Variants in RTN4RL1 observed in about 807,000 individuals in gnomAD.
The protein encoded by RTN4RL1 is reticulon-4 receptor-like 1.
A neutral mutation model predicts 25.6 loss-of-function variants in RTN4RL1; 7 were observed. That is an observed-to-expected ratio of 0.27 (90% CI 0.16 to 0.51). The LOEUF is 0.51. Ranked by LOEUF, RTN4RL1 falls within the 20% of genes least tolerant of loss-of-function variation. The pLI, the probability that RTN4RL1 is intolerant of heterozygous loss-of-function variation, is 0.97. For synonymous variants in RTN4RL1, 297 were observed against 288.2 expected (o/e 1.03, Z -0.31); for missense variants, 500 against 615.6 (o/e 0.81, Z 1.99).
chr17:1,991,005 C>T lies in RTN4RL1; in HGVS notation c.13+33848G>A, dbSNP rs1277965805. On this transcript the variant is annotated intron_variant, in intron 1 of 1. Transcript: ENST00000331238. ...TCCAGGGAACGAGTCCCTCTCTAGG[C>T]GCAGAGAGCACCAACCCATGTGCAA... is the stretch of plus-strand genomic sequence containing the variant. Among the ~76,000 whole-genome samples, 3 of 152,146 alleles carry T rather than the reference C, an allele frequency of 2.0e-5. No homozygotes were observed. The East Asian group carries it at 5.8e-4, about 29-fold the overall frequency.
At chr17:1,985,779 A>C (rs2066884934) in intron 1 of RTN4RL1, among the ~76,000 whole-genome samples, 1 of 152,102 alleles carries the variant, frequency 6.6e-6, no homozygotes, top group Non-Finnish European at 1.5e-5. Flanking sequence ...GAGGAGCCCC[A>C]GGTAAGGGGG....
At chr17:2,005,941 T>G (rs527308257) in intron 1 of RTN4RL1, among the ~76,000 whole-genome samples, 1 of 147,290 alleles carries the variant, frequency 6.8e-6, no homozygotes, top group African/African-American at 2.5e-5. Flanking sequence ...GGACCACCGG[T>G]GCATGCCGCC....
At chr17:1,970,232 G>T (rs904105723) in intron 1 of RTN4RL1, among the ~76,000 whole-genome samples, 1 of 152,086 alleles carries the variant, frequency 6.6e-6, no homozygotes, top group Admixed American at 6.6e-5. Flanking sequence ...TGTTGGTCAT[G>T]CTGGTCTCGA....
chr17:1,982,870 G>A (rs2066873449), intron 1 of RTN4RL1, among the ~76,000 whole-genome samples: 1 of 152,186 alleles, frequency 6.6e-6, no homozygotes, highest in African/African-American at 2.4e-5. Context: ...AGGGGCAGCG[G>A]CTGACAGTCA....
intron 1 of RTN4RL1, among the ~76,000 whole-genome samples, chr17:2,008,352 A>G (rs1339463596): frequency 1.3e-5 from 2 of 152,194 alleles, no homozygotes; most frequent in Non-Finnish European, 2.9e-5. Context: ...GACACATTAA[A>G]AAAAAGGAAT....
At chr17:1,979,413 G>A (rs1479716525) in intron 1 of RTN4RL1, among the ~76,000 whole-genome samples, 1 of 152,076 alleles carries the variant, frequency 6.6e-6, no homozygotes, top group Non-Finnish European at 1.5e-5. Context: ...GGAGGTCAAG[G>A]CTGCAATGAG....
At chr17:1,973,016 G>C (rs903325730) in intron 1 of RTN4RL1, among the ~76,000 whole-genome samples, 1 of 152,192 alleles carries the variant, frequency 6.6e-6, no homozygotes, top group African/African-American at 2.4e-5. Context: ...TGCATTCTCA[G>C]TGGATACCAT....
At chr17:1,960,186 C>T (rs1181968381) in intron 1 of RTN4RL1, among the ~76,000 whole-genome samples, 1 of 150,058 alleles carries the variant, frequency 6.7e-6, no homozygotes, top group Non-Finnish European at 1.5e-5. Flanking sequence ...CACCCCGCCC[C>T]CACCACCCCC....
At chr17:1,990,147 G>T (rs1205085682) in intron 1 of RTN4RL1, among the ~76,000 whole-genome samples, 1 of 151,968 alleles carries the variant, frequency 6.6e-6, no homozygotes, top group East Asian at 1.9e-4. Context: ...ATCACCTGAG[G>T]CCAAGAGGTT....
intron 1 of RTN4RL1, among the ~76,000 whole-genome samples, chr17:1,988,498 C>A (rs543448334): frequency 7.7e-6 from 1 of 129,086 alleles, no homozygotes; most frequent in Non-Finnish European, 1.6e-5. Context: ...CAGAGAGAGA[C>A]TCTGTCTCAA....
At chr17:1,971,301 C>T (rs189687839) in intron 1 of RTN4RL1, among the ~76,000 whole-genome samples, 29 of 152,316 alleles carry the variant, frequency 1.9e-4, no homozygotes, top group Non-Finnish European at 3.2e-4. Flanking sequence ...CTTCCCCTTC[C>T]GCCATGATTG....
intron 1 of RTN4RL1, among the ~76,000 whole-genome samples, chr17:1,967,908 T>C (rs1281877081): frequency 1.3e-5 from 2 of 152,202 alleles, no homozygotes; most frequent in Non-Finnish European, 2.9e-5. Flanking sequence ...CCCAAAGTGC[T>C]GGGATTACAG....
intron 1 of RTN4RL1, among the ~76,000 whole-genome samples, chr17:1,961,816 CAT>C (rs879619790): frequency 0.23 from 31,653 of 137,456 alleles, 4,914 homozygotes; most frequent in Middle Eastern, 0.34. Context: ...GGCGTGGTGG[CAT>C]GTGCCTGTAA....
intron 1 of RTN4RL1, among the ~76,000 whole-genome samples, chr17:1,964,778 C>A (rs951885424): frequency 6.6e-5 from 9 of 137,118 alleles, no homozygotes; most frequent in African/African-American, 1.9e-4. Flanking sequence ...GTTTGCATTT[C>A]TTTTCTTTTC....
chr17:1,968,540 ACT>A (rs1221851321), intron 1 of RTN4RL1, among the ~76,000 whole-genome samples: 9 of 151,906 alleles, frequency 5.9e-5, no homozygotes, highest in Non-Finnish European at 1.5e-5. Context: ...AGGATTTCTG[ACT>A]CTGCCCTGGG....
intron 1 of RTN4RL1, among the ~76,000 whole-genome samples, chr17:1,986,450 A>C (rs2066887620): frequency 6.6e-6 from 1 of 152,118 alleles, no homozygotes; most frequent in Admixed American, 6.6e-5. Flanking sequence ...TTGTCGATGT[A>C]ATTAAGTTAA....
chr17:1,994,060 ACCACCCCGTT>A lies in RTN4RL1; in HGVS notation c.13+30783_13+30792del, dbSNP rs1597231813. ...CAGTCCCCACCCCCGGCTACGCTGA[ACCACCCCGTT>A]CCTCAGGACACGTGCACTCGAACCT... is the stretch of plus-strand genomic sequence containing the variant. On this transcript the variant is annotated intron_variant, in intron 1 of 1. Transcript: ENST00000331238. This position sits in a 1 kb window ranked among gnomAD's most constrained non-coding sequence, Gnocchi z 4.3. Among the ~76,000 whole-genome samples the A allele has an allele frequency of 6.6e-6, 1 of 151,954 alleles. No homozygotes were observed. The highest frequency in any genetic ancestry group is 1.9e-4 in the East Asian group (1 of 5,184).
chr17:1,947,824 C>T (rs908881797), intron 1 of RTN4RL1, among the ~76,000 whole-genome samples: 9 of 152,344 alleles, frequency 5.9e-5, no homozygotes, highest in East Asian at 1.9e-4. Context: ...GGCTTGAGAC[C>T]GGCCCCCGTG....
At chr17:1,983,160 AG>A (rs1385653261) in intron 1 of RTN4RL1, among the ~76,000 whole-genome samples, 1 of 151,570 alleles carries the variant, frequency 6.6e-6, no homozygotes, top group African/African-American at 2.4e-5. Flanking sequence ...AAGCGATTAC[AG>A]TAGCTGGGAT....
Sources: allele counts gnomAD v4.1 joint callset (sites outside exome capture counted in the v4.1 genomes callset), GRCh38; gene constraint gnomAD v4.1.1; non-coding constraint Gnocchi (gnomAD v3.1); transcripts MANE v1.5; gene names NCBI Gene and HGNC (gene_info 2026-07-23, HGNC 2026-07-21).